The following CPVL variants were observed in gnomAD, a reference collection of about 807,000 sequenced individuals.
CPVL encodes probable serine carboxypeptidase CPVL.
In CPVL, 51 loss-of-function variants were observed where a neutral mutation model predicts 63.7. The ratio of observed to expected loss-of-function variants is 0.80; its 90% CI spans 0.64 to 1.01. The LOEUF (loss-of-function observed/expected upper bound fraction) is 1.01, where lower values mean the gene tolerates loss of function less well. Among genes scored for constraint, CPVL ranks in the 50% least tolerant of loss-of-function variants. The probability of loss-of-function intolerance (pLI) is 0.00; values close to 1 mark genes in which losing one functional copy is unlikely to be tolerated. For synonymous variants in CPVL, 195 were observed against 206.0 expected (o/e 0.95, Z 0.46); for missense variants, 530 against 573.1 (o/e 0.92, Z 0.77).
intron 2 of CPVL, among the ~76,000 whole-genome samples, chr7:29,116,431 C>T (rs1218461134): frequency 6.6e-6 from 1 of 152,204 alleles, no homozygotes; most frequent in Non-Finnish European, 1.5e-5. Context: ...TCTATCTTTC[C>T]AGCACCATGA....
At chr7:29,093,901 A>G (rs1378994913) in intron 5 of CPVL, among the ~76,000 whole-genome samples, 3 of 152,230 alleles carry the variant, frequency 2.0e-5, no homozygotes, top group African/African-American at 4.8e-5. Context: ...TAAAGATTTT[A>G]GTTAAGAGGG....
intron 1 of CPVL, chr7:29,193,348 C>G (rs39049): frequency 0.98 from 148,671 of 152,314 alleles, 72,573 homozygotes; most frequent in East Asian, 1. Flanking sequence ...TATGTTAGGT[C>G]CTTGGTTGAT....
At chr7:29,124,863 A>T (rs957266207) in intron 1 of CPVL, 1 of 152,110 alleles carries the variant, frequency 6.6e-6, no homozygotes, top group African/African-American at 2.4e-5. Flanking sequence ...TTAAAAAAAC[A>T]AAGTGAAGCA....
intron 9 of CPVL, among the ~76,000 whole-genome samples, chr7:29,069,997 G>A (rs1251077197): frequency 1.3e-5 from 2 of 152,148 alleles, no homozygotes; most frequent in Non-Finnish European, 2.9e-5. Flanking sequence ...TTCAGGATTT[G>A]TTGGAGTCTT....
At chr7:29,118,520 C>A (rs925591617) in intron 2 of CPVL, among the ~76,000 whole-genome samples, 3 of 152,200 alleles carry the variant, frequency 2.0e-5, no homozygotes, top group Non-Finnish European at 4.4e-5. Context: ...TTTTAAAATA[C>A]ACTAAATACA....
intron 1 of CPVL, among the ~76,000 whole-genome samples, chr7:29,187,781 C>G (rs2128750694): frequency 6.6e-6 from 1 of 152,204 alleles, no homozygotes; most frequent in South Asian, 2.1e-4. Context: ...TCAACATCCA[C>G]TCTCTCCCCA....
At chr7:29,009,497 A>G (rs536410112) in intron 12 of CPVL, 2 of 152,292 alleles carry the variant, frequency 1.3e-5, no homozygotes, top group East Asian at 3.9e-4. Flanking sequence ...AACAACCCAA[A>G]TGTCCATCGG....
intron 11 of CPVL, among the ~76,000 whole-genome samples, 193 bp downstream of exon 11, chr7:29,063,868 G>A (rs1313320032): frequency 6.6e-6 from 1 of 151,488 alleles, no homozygotes; most frequent in African/African-American, 2.4e-5. Context: ...CACCACAACG[G>A]CAAAAGTGGT....
intron 1 of CPVL, among the ~76,000 whole-genome samples, chr7:29,134,234 T>C (rs1790969182): frequency 6.6e-6 from 1 of 152,162 alleles, no homozygotes; most frequent in Non-Finnish European, 1.5e-5. Flanking sequence ...GAATTCTTCT[T>C]TGCAACAACT....
chr7:29,161,276 T>G (rs1037432560), intron 5 of CPVL, among the ~76,000 whole-genome samples: 1 of 152,110 alleles, frequency 6.6e-6, no homozygotes, highest in Non-Finnish European at 1.5e-5. Context: ...CTTTTTCCAG[T>G]CCCCTTTGAA....
chr7:29,128,181 T>TG (rs1171306753), intron 1 of CPVL: 1 of 149,194 alleles, frequency 6.7e-6, no homozygotes, highest in African/African-American at 2.5e-5. Flanking sequence ...AAGAGTTTTT[T>TG]TTTTTTTTTT....
At chr7:29,059,346 A>AT (rs1197591571) in intron 11 of CPVL, among the ~76,000 whole-genome samples, 1 of 152,158 alleles carries the variant, frequency 6.6e-6, no homozygotes, top group Non-Finnish European at 1.5e-5. Context: ...TTAATCATAG[A>AT]TTTTTTGGCA....
At chr7:29,030,825 G>T (rs1787956559) in intron 11 of CPVL, 66 bp from the exon 12 acceptor site, 3 of 1,332,926 alleles carry the variant, frequency 2.3e-6, no homozygotes, top group African/African-American at 3.0e-5. Context: ...ATCGAGCTAG[G>T]TATAAATAGT....
At chr7:29,155,214 A>C (rs1794186915) in intron 5 of CPVL, among the ~76,000 whole-genome samples, 1 of 152,202 alleles carries the variant, frequency 6.6e-6, no homozygotes, top group Non-Finnish European at 1.5e-5. Flanking sequence ...ATAAATGAAA[A>C]TAAAGAAGTA....
intron 11 of CPVL, among the ~76,000 whole-genome samples, chr7:29,043,135 AC>A (rs1048328534): frequency 5.3e-5 from 8 of 151,124 alleles, no homozygotes; most frequent in African/African-American, 1.9e-4. Context: ...CAATCCCCAC[AC>A]CCCCTCCCTG....
intron 1 of CPVL, chr7:29,127,064 C>T (rs1790103919): frequency 6.6e-6 from 1 of 152,126 alleles, no homozygotes; most frequent in Non-Finnish European, 1.5e-5. Flanking sequence ...GTCTCTGCCA[C>T]CATATCCTTG....
rs1783768751 is a variant in CPVL, at chr7:29,071,803, G to C, written c.834C>G (p.Ile278Met). ...AGGCCTCAAACCAGTTCTGCTTCCT[G>C]ATGTGTTCTATGCATTCATGGCACT... ...QKQCHECIEH[I>M]RKQNWFEAFE... The change falls in exon 9 of 13, where the codon ATC becomes ATG. Residue 278 changes from isoleucine to methionine, a missense_variant. Physicochemically the swap from Ile to Met is conservative, Grantham distance 10. Transcript: ENST00000265394. 13 of 1,593,206 alleles carry C rather than the reference G, an allele frequency of 8.2e-6. No homozygotes were observed. The highest frequency in any genetic ancestry group is 1.1e-5 in the Non-Finnish European group (13 of 1,169,210).
At chr7:29,141,119 C>T (rs961585018) in intron 1 of CPVL, among the ~76,000 whole-genome samples, 2 of 152,204 alleles carry the variant, frequency 1.3e-5, no homozygotes, top group African/African-American at 2.4e-5. Flanking sequence ...CTTTGAGCTT[C>T]CCTGCTGATC....
At chr7:29,117,034 A>G (rs1788842216) in intron 2 of CPVL, among the ~76,000 whole-genome samples, 1 of 152,208 alleles carries the variant, frequency 6.6e-6, no homozygotes, top group African/African-American at 2.4e-5. Context: ...GATGAATAAA[A>G]TTATCCTTAA....
Sources: allele counts gnomAD v4.1 joint callset (sites outside exome capture counted in the v4.1 genomes callset), GRCh38; gene constraint gnomAD v4.1.1; transcripts MANE v1.5; gene names NCBI Gene and HGNC (gene_info 2026-07-23, HGNC 2026-07-21).